The following MOB3B variants were observed in gnomAD, a reference collection of about 807,000 sequenced individuals.
MOB3B encodes MOB kinase activator-like 2B.
MOB3B carries 7 observed loss-of-function variants against 18.7 expected under a neutral mutation model. The ratio of observed to expected loss-of-function variants is 0.37; its 90% confidence interval spans 0.21 to 0.70. MOB3B has a LOEUF of 0.70. Among genes scored for constraint, MOB3B ranks in the 30% least tolerant of loss-of-function variants. The pLI is 0.52. For missense variants in MOB3B, 253 were observed against 281.3 expected (o/e 0.90, Z 0.72); for synonymous variants, 111 against 99.9 (o/e 1.11, Z -0.66).
intron 1 of MOB3B, among the ~76,000 whole-genome samples, chr9:27,518,568 T>C (rs2131505792): frequency 6.6e-6 from 1 of 152,372 alleles, no homozygotes; most frequent in East Asian, 1.9e-4. Context: ...TATTCCATCA[T>C]GCTACATTTC....
chr9:27,405,327 TG>T (rs1821951091), intron 2 of MOB3B, among the ~76,000 whole-genome samples: 1 of 151,968 alleles, frequency 6.6e-6, no homozygotes, highest in African/African-American at 2.4e-5. Context: ...AGTCTGGTCT[TG>T]AAATCCTGAC....
chr9:27,428,997 A>C (rs2131420368), intron 2 of MOB3B, among the ~76,000 whole-genome samples: 1 of 152,328 alleles, frequency 6.6e-6, no homozygotes. Context: ...TGACATTCTG[A>C]TCACCCTCAA....
chr9:27,471,326 A>C (rs1212486078), intron 1 of MOB3B, among the ~76,000 whole-genome samples: 2 of 152,208 alleles, frequency 1.3e-5, no homozygotes. Flanking sequence ...GAATGGCAGA[A>C]AAAGTCCTTG....
intron 2 of MOB3B, among the ~76,000 whole-genome samples, chr9:27,377,000 A>G (rs1254977281): frequency 6.6e-6 from 1 of 152,238 alleles, no homozygotes; most frequent in Non-Finnish European, 1.5e-5. Flanking sequence ...CCCATTTATT[A>G]GCTACACGAT....
intron 1 of MOB3B, among the ~76,000 whole-genome samples, chr9:27,466,959 A>C (rs1240764208): frequency 6.6e-6 from 1 of 152,166 alleles, no homozygotes; most frequent in Non-Finnish European, 1.5e-5. Context: ...TTAAGTCTGC[A>C]TTTCTAGAAA....
chr9:27,478,466 A>T (rs1040383528), intron 1 of MOB3B, among the ~76,000 whole-genome samples: 2 of 152,190 alleles, frequency 1.3e-5, no homozygotes, highest in Admixed American at 6.5e-5. Context: ...ACAAAGGGCA[A>T]CTTTGAAAAA....
intron 2 of MOB3B, among the ~76,000 whole-genome samples, chr9:27,370,148 TGGGG>T: frequency 6.6e-6 from 1 of 151,556 alleles, no homozygotes; most frequent in African/African-American, 2.4e-5. Context: ...TACTAGGAGG[TGGGG>T]CCTTTGGGAG....
intron 1 of MOB3B, among the ~76,000 whole-genome samples, chr9:27,477,261 T>C (rs896082987): frequency 1.3e-5 from 2 of 152,200 alleles, no homozygotes; most frequent in Non-Finnish European, 2.9e-5. Flanking sequence ...TGCCTTGGCG[T>C]AATGCTTCTT....
chr9:27,399,906 C>T (rs765873273), intron 2 of MOB3B, among the ~76,000 whole-genome samples: 8 of 152,140 alleles, frequency 5.3e-5, no homozygotes, highest in Admixed American at 1.3e-4. Context: ...CCTTCAAACC[C>T]GGCTCGAAGT....
intron 2 of MOB3B, among the ~76,000 whole-genome samples, chr9:27,401,794 T>C (rs1288831894): frequency 2.6e-5 from 4 of 152,332 alleles, no homozygotes; most frequent in South Asian, 2.1e-4. Flanking sequence ...TAGAAACTTA[T>C]GGCAAACATA....
intron 3 of MOB3B, among the ~76,000 whole-genome samples, chr9:27,358,664 T>A (rs1821227887): frequency 6.6e-6 from 1 of 152,190 alleles, no homozygotes; most frequent in Non-Finnish European, 1.5e-5. Flanking sequence ...ACTGAAGAAA[T>A]GTTTCTGATA....
intron 1 of MOB3B, among the ~76,000 whole-genome samples, chr9:27,475,113 G>A (rs1178560351): frequency 6.6e-6 from 1 of 152,208 alleles, no homozygotes; most frequent in African/African-American, 2.4e-5. Context: ...GCCATGTTGT[G>A]AGCTCTCCTC....
In MOB3B at chr9:27,511,384, GTCCA is replaced by G; in HGVS notation, c.-199+18167_-199+18170del. Among the ~76,000 whole-genome samples, 2 of 152,190 alleles carry G rather than the reference GTCCA, an allele frequency of 1.3e-5. 1 individual carries two copies. Among genetic ancestry groups the G allele is most frequent in the South Asian group, 4.2e-4 (2 of 4,818 alleles). On this transcript the variant is annotated intron_variant, in intron 1 of 3. Coordinates refer to ENST00000262244, the MANE Select transcript of MOB3B (RefSeq NM_024761.5). ...TCAGCCATAAAATGGGGATAAAATT[GTCCA>G]TCCTGCAGCATTCCGTCAGTGATAA...
At chr9:27,390,789 T>G (rs537139429) in intron 2 of MOB3B, among the ~76,000 whole-genome samples, 5 of 152,250 alleles carry the variant, frequency 3.3e-5, no homozygotes, top group African/African-American at 1.2e-4. Flanking sequence ...AAGGTGATAT[T>G]AGGAGGTAGA....
intron 3 of MOB3B, among the ~76,000 whole-genome samples, chr9:27,338,165 G>A (rs1820889797): frequency 6.6e-6 from 1 of 151,654 alleles, no homozygotes; most frequent in Admixed American, 6.6e-5. Flanking sequence ...TCTGCTTCCC[G>A]CCCCTGTCTG....
chr9:27,391,467 ATGAGT>A (rs1281961491), intron 2 of MOB3B, among the ~76,000 whole-genome samples: 1 of 152,194 alleles, frequency 6.6e-6, no homozygotes, highest in Non-Finnish European at 1.5e-5. Flanking sequence ...CCGTCATGTA[ATGAGT>A]TATGTTATTG....
chr9:27,366,647 T>C (rs1821346801), intron 2 of MOB3B, among the ~76,000 whole-genome samples: 1 of 152,186 alleles, frequency 6.6e-6, no homozygotes, highest in African/African-American at 2.4e-5. Flanking sequence ...ATTCCTGTTT[T>C]CATCATTTTC....
rs954360771 is a variant in MOB3B at position 27,330,756 on chromosome 9, C to A, written c.622-140G>T. 38 of 1,263,474 alleles carry A rather than the reference C, an allele frequency of 3.0e-5. No individual in the cohort carries two copies. The Admixed American group carries it at 7.8e-4, about 26-fold the overall frequency. 78.3% of individuals were successfully genotyped at this position (1,263,474 alleles called of 1,614,324 possible). A position where few individuals can be genotyped will look rare whatever the true frequency, so the allele number is the denominator to read the frequency against. ...AGCATGGTCCATGAATAAGGCTTAG[C>A]ATGAGGGTATGTTCCATCTGTTTGT... On this transcript the variant is annotated intron_variant, in intron 3 of 3. Transcript: ENST00000262244.
chr9:27,376,077 G>C (rs1029016477), intron 2 of MOB3B, among the ~76,000 whole-genome samples: 4 of 152,078 alleles, frequency 2.6e-5, no homozygotes, highest in African/African-American at 9.7e-5. Context: ...TATGTATATA[G>C]TTTTGTTAAA....
Sources: allele counts gnomAD v4.1 joint callset (sites outside exome capture counted in the v4.1 genomes callset), GRCh38; gene constraint gnomAD v4.1.1; transcripts MANE v1.5; gene names NCBI Gene and HGNC (gene_info 2026-07-23, HGNC 2026-07-21).